The following DOCK2 variants were observed in gnomAD, a reference collection of about 807,000 sequenced individuals.
DOCK2 encodes dedicator of cytokinesis protein 2.
Under a neutral mutation model 248.9 loss-of-function variants are expected in DOCK2, and 87 were observed. That is an observed-to-expected ratio of 0.35 (90% confidence interval 0.29 to 0.42). The LOEUF (loss-of-function observed/expected upper bound fraction) is 0.42, where lower values mean the gene tolerates loss of function less well. Among genes scored for constraint, DOCK2 ranks in the 10% least tolerant of loss-of-function variants. The pLI, the probability that DOCK2 is intolerant of heterozygous loss-of-function variation, is 1.00. For synonymous variants in DOCK2, 805 were observed against 821.6 expected (o/e 0.98, Z 0.35); for missense variants, 1,747 against 2,300.2 (o/e 0.76, Z 4.92).
At chr5:169,811,086 T>A (rs1244078867) in intron 26 of DOCK2, among the ~76,000 whole-genome samples, 4 of 151,926 alleles carry the variant, frequency 2.6e-5, no homozygotes, top group Non-Finnish European at 5.9e-5. Flanking sequence ...ATCTTAGCTG[T>A]GTTAGAATCC....
intron 29 of DOCK2, among the ~76,000 whole-genome samples, chr5:169,993,991 A>G (rs946165765): frequency 2.6e-5 from 4 of 152,232 alleles, no homozygotes; most frequent in Non-Finnish European, 5.9e-5. Context: ...GGACGTTACC[A>G]AAATTGTTTC....
intron 27 of DOCK2, among the ~76,000 whole-genome samples, chr5:169,931,370 C>T (rs992104947): frequency 6.6e-6 from 1 of 152,208 alleles, no homozygotes; most frequent in African/African-American, 2.4e-5. Context: ...AAAGGGCTTG[C>T]CTTGATATTG....
At chr5:169,955,379 G>A (rs1207275370) in intron 27 of DOCK2, among the ~76,000 whole-genome samples, 1 of 152,112 alleles carries the variant, frequency 6.6e-6, no homozygotes, top group African/African-American at 2.4e-5. Flanking sequence ...TTCAATAAGT[G>A]TTAAAGGAAG....
At chr5:169,727,421 C>T (rs1428378335) in intron 22 of DOCK2, among the ~76,000 whole-genome samples, 4 of 152,104 alleles carry the variant, frequency 2.6e-5, no homozygotes, top group Non-Finnish European at 4.4e-5. Context: ...TACCCACACA[C>T]GAATGTCATG....
At chr5:169,674,250 C>T in intron 5 of DOCK2, 47 bp from the exon 6 acceptor site, 2 of 1,603,786 alleles carry the variant, frequency 1.2e-6, no homozygotes, top group Non-Finnish European at 1.7e-6. Context: ...AATAGATGGT[C>T]ATGCCCCTTT....
intron 30 of DOCK2, among the ~76,000 whole-genome samples, chr5:169,996,916 G>A (rs547583885): frequency 2.0e-5 from 3 of 152,272 alleles, no homozygotes; most frequent in Admixed American, 6.5e-5. Flanking sequence ...GGTGTTTCTC[G>A]TAAGGTGGGA....
chr5:170,067,132 C>A (rs962921521), intron 44 of DOCK2, among the ~76,000 whole-genome samples: 5 of 152,200 alleles, frequency 3.3e-5, no homozygotes, highest in Admixed American at 3.3e-4. Context: ...GCCCACATCG[C>A]AAGCTGCTCT....
At chr5:170,064,628 G>A (rs1040415082) in intron 44 of DOCK2, among the ~76,000 whole-genome samples, 2 of 152,060 alleles carry the variant, frequency 1.3e-5, no homozygotes, top group Non-Finnish European at 2.9e-5. Context: ...ACCATCAAGT[G>A]TAACAACATA....
chr5:169,942,169 A>T (rs879665165), intron 27 of DOCK2, among the ~76,000 whole-genome samples: 1 of 152,246 alleles, frequency 6.6e-6, no homozygotes, highest in African/African-American at 2.4e-5. Context: ...GAAAGTCTGT[A>T]GCATATCTTA....
intron 27 of DOCK2, among the ~76,000 whole-genome samples, chr5:169,899,304 C>T (rs1453528763): frequency 6.6e-6 from 1 of 152,116 alleles, no homozygotes; most frequent in Non-Finnish European, 1.5e-5. Flanking sequence ...CCTCAGAGTG[C>T]CTGACTTCCT....
chr5:169,853,804 C>CTTTTTTTTTTT lies in DOCK2; in HGVS notation c.2799+12987_2799+12997dup, dbSNP rs67124138. ...TTCCTTCTATAATCAGGAAAAACAA[C>CTTTTTTTTTTT]TTTTTTTTTTTTTTTTTTTTTTTTT... On this transcript the variant is annotated intron_variant, in intron 27 of 51. Coordinates refer to ENST00000520908, the MANE Select transcript of DOCK2 (RefSeq NM_004946.3). Among the ~76,000 whole-genome samples the CTTTTTTTTTTT allele has an allele frequency of 3.0e-4, 17 of 56,858 alleles. 2 individuals are homozygous for CTTTTTTTTTTT. Among genetic ancestry groups the CTTTTTTTTTTT allele is most frequent in the East Asian group, 1.1e-3 (2 of 1,812 alleles). 37.3% of individuals were successfully genotyped at this position (56,858 alleles called of 152,430 possible). A position where few individuals can be genotyped will look rare whatever the true frequency, so the allele number is the denominator to read the frequency against.
chr5:169,745,005 G>A (rs909285974), intron 22 of DOCK2, among the ~76,000 whole-genome samples: 2 of 152,204 alleles, frequency 1.3e-5, no homozygotes, highest in Admixed American at 6.5e-5. Context: ...GACACAGTGG[G>A]CAGGTTCAAT....
chr5:169,838,485 A>G (rs569918809), intron 26 of DOCK2, among the ~76,000 whole-genome samples: 5 of 152,212 alleles, frequency 3.3e-5, no homozygotes, highest in African/African-American at 2.4e-5. Context: ...TGCTATAACC[A>G]TGAACATCAT....
intron 13 of DOCK2, 103 bp from the exon 14 acceptor site, chr5:169,702,200 C>G: frequency 1.4e-6 from 2 of 1,403,262 alleles, no homozygotes; most frequent in Non-Finnish European, 1.9e-6. Flanking sequence ...TAATACCAAT[C>G]CAGGTGGGAG....
intron 27 of DOCK2, among the ~76,000 whole-genome samples, chr5:169,935,376 G>A (rs1280595465): frequency 3.3e-5 from 5 of 151,780 alleles, no homozygotes; most frequent in African/African-American, 9.7e-5. Context: ...TGGAACCATC[G>A]CAGAGGCCTA....
At chr5:169,751,299 A>C (rs1013446289) in intron 23 of DOCK2, among the ~76,000 whole-genome samples, 5 of 152,254 alleles carry the variant, frequency 3.3e-5, no homozygotes, top group African/African-American at 1.2e-4. Context: ...TTAGATCAAG[A>C]AATATAAATA....
At chr5:169,723,116 C>T (rs551291209) in intron 22 of DOCK2, among the ~76,000 whole-genome samples, 6 of 152,330 alleles carry the variant, frequency 3.9e-5, no homozygotes, top group African/African-American at 1.4e-4. Flanking sequence ...CTGCCTTCTG[C>T]TCTTATTACA....
chr5:169,719,538 C>T (rs996139778), intron 22 of DOCK2, among the ~76,000 whole-genome samples: 8 of 152,170 alleles, frequency 5.3e-5, no homozygotes, highest in Non-Finnish European at 4.4e-5. Context: ...GACTTTATTT[C>T]ACATCATTGA....
chr5:169,919,344 A>T (rs1775049138), intron 27 of DOCK2, among the ~76,000 whole-genome samples: 1 of 152,150 alleles, frequency 6.6e-6, no homozygotes, highest in Non-Finnish European at 1.5e-5. Context: ...GTTTATGAAG[A>T]TTTACTGCGT....
Sources: gnomAD v4.1 joint callset for allele counts (sites outside exome capture counted in the v4.1 genomes callset) on GRCh38, gnomAD v4.1.1 for gene constraint, MANE v1.5 for transcripts, NCBI Gene and HGNC (gene_info 2026-07-23, HGNC 2026-07-21) for gene names.